ASAP1: variants seen among roughly 807,000 people sequenced by gnomAD.
ASAP1 encodes the protein ArfGAP with SH3 domain, ankyrin repeat and PH domain 1, also known as arf-GAP with SH3 domain, ANK repeat and PH domain-containing protein 1.
Under a neutral mutation model 145.2 loss-of-function variants are expected in ASAP1, and 43 were observed. That is an observed-to-expected ratio of 0.30 (90% CI 0.23 to 0.38). The LOEUF (loss-of-function observed/expected upper bound fraction) is 0.38. ASAP1 is among the 10% of genes least tolerant of loss of function. ASAP1 has a pLI of 1.00. For synonymous variants in ASAP1, 546 were observed against 515.5 expected (o/e 1.06, Z -0.80); for missense variants, 1,018 against 1,355.3 (o/e 0.75, Z 3.91).
chr8:130,152,920 C>T (rs2097649627), intron 12 of ASAP1, 115 bp from the exon 13 acceptor site: 1 of 694,886 alleles, frequency 1.4e-6, no homozygotes, highest in Non-Finnish European at 2.2e-6. Context: ...ACCAAAAAAT[C>T]CAACCCCCCC....
intron 5 of ASAP1, among the ~76,000 whole-genome samples, chr8:130,198,670 C>T (rs913177415): frequency 3.9e-5 from 6 of 152,276 alleles, no homozygotes; most frequent in Admixed American, 3.3e-4. Flanking sequence ...ACTAGGTTAA[C>T]GAGGAAACAG....
intron 27 of ASAP1, 44 bp from the exon 28 acceptor site, chr8:130,061,113 C>T: frequency 6.6e-7 from 1 of 1,516,840 alleles, no homozygotes; most frequent in Non-Finnish European, 8.8e-7. Flanking sequence ...GTGGGAAGGG[C>T]TGCTTTCCTG....
intron 3 of ASAP1, among the ~76,000 whole-genome samples, chr8:130,344,281 T>C (rs1204695509): frequency 2.6e-5 from 4 of 152,248 alleles, no homozygotes; most frequent in Non-Finnish European, 4.4e-5. Flanking sequence ...AACCATTTTT[T>C]TTTAAAGAGA....
chr8:130,079,778 C>G, intron 26 of ASAP1, 124 bp downstream of exon 26: 1 of 919,174 alleles, frequency 1.1e-6, no homozygotes, highest in South Asian at 1.5e-5. Context: ...CTTGTTGTGG[C>G]CTGCCCCACT....
intron 25 of ASAP1, among the ~76,000 whole-genome samples, chr8:130,080,706 C>T (rs537332569): frequency 2.6e-4 from 40 of 152,144 alleles, no homozygotes; most frequent in African/African-American, 9.6e-4. Flanking sequence ...AATCTCAGCT[C>T]ACTGCAGCAT....
intron 15 of ASAP1, among the ~76,000 whole-genome samples, chr8:130,133,067 T>A (rs1017836877): frequency 4.6e-5 from 7 of 152,100 alleles, no homozygotes; most frequent in African/African-American, 1.4e-4. Context: ...GAACATAGCA[T>A]GTATTCTGTG....
chr8:130,268,743 G>C (rs1253025765), intron 3 of ASAP1, among the ~76,000 whole-genome samples: 2 of 152,172 alleles, frequency 1.3e-5, no homozygotes, highest in Non-Finnish European at 2.9e-5. Context: ...ATTGTTGCAT[G>C]ATATACTACA....
intron 4 of ASAP1, among the ~76,000 whole-genome samples, chr8:130,224,833 A>C (rs1817499569): frequency 6.6e-6 from 1 of 152,248 alleles, no homozygotes; most frequent in Non-Finnish European, 1.5e-5. Flanking sequence ...ATCTCTGGAA[A>C]AATATCTTCA....
At chr8:130,336,976 C>A (rs1425237041) in intron 3 of ASAP1, among the ~76,000 whole-genome samples, 1 of 152,132 alleles carries the variant, frequency 6.6e-6, no homozygotes, top group Non-Finnish European at 1.5e-5. Flanking sequence ...TAGTTTTGAT[C>A]TCTCAGAACC....
chr8:130,279,126 A>T (rs996922837), intron 3 of ASAP1, among the ~76,000 whole-genome samples: 1 of 152,142 alleles, frequency 6.6e-6, no homozygotes, highest in Non-Finnish European at 1.5e-5. Flanking sequence ...CTCCAAAATC[A>T]AGCCCTTGAT....
chr8:130,422,330 T>C (rs1257116219), intron 1 of ASAP1, among the ~76,000 whole-genome samples: 1 of 152,112 alleles, frequency 6.6e-6, no homozygotes, highest in Non-Finnish European at 1.5e-5. Flanking sequence ...TCCAGGAGCA[T>C]ATAAACTGTG....
At chr8:130,390,346 A>G (rs980700498) in intron 2 of ASAP1, among the ~76,000 whole-genome samples, 7 of 152,242 alleles carry the variant, frequency 4.6e-5, no homozygotes, top group African/African-American at 1.7e-4. Context: ...GTTCTACTGG[A>G]AAGTCTACAA....
At chr8:130,206,247 A>AT (rs1395937432) in intron 5 of ASAP1, among the ~76,000 whole-genome samples, 3 of 152,028 alleles carry the variant, frequency 2.0e-5, no homozygotes, top group South Asian at 2.1e-4. Context: ...ATTGATGACC[A>AT]TTTTTTTAAA....
At chr8:130,434,745 T>C (rs1224710259) in intron 1 of ASAP1, among the ~76,000 whole-genome samples, 1 of 151,880 alleles carries the variant, frequency 6.6e-6, no homozygotes, top group East Asian at 1.9e-4. Flanking sequence ...CATGCAAAAA[T>C]TCCATCCCAG....
At chr8:130,109,550 CCT>C (rs1309375962) in intron 24 of ASAP1, among the ~76,000 whole-genome samples, 1 of 152,056 alleles carries the variant, frequency 6.6e-6, no homozygotes, top group Non-Finnish European at 1.5e-5. Flanking sequence ...CAAATAGAGA[CCT>C]CTGCTTTATT....
At chr8:130,085,777 C>T (rs1360629416) in intron 25 of ASAP1, among the ~76,000 whole-genome samples, 1 of 145,092 alleles carries the variant, frequency 6.9e-6, no homozygotes, top group Non-Finnish European at 1.5e-5. Flanking sequence ...CAATGAAATG[C>T]AACTTCAAAA....
intron 2 of ASAP1, among the ~76,000 whole-genome samples, chr8:130,386,046 C>T (rs1412130943): frequency 2.0e-5 from 3 of 152,184 alleles, no homozygotes; most frequent in Admixed American, 2.0e-4. Flanking sequence ...GGAATCAATC[C>T]AGAGATTTTG....
chr8:130,391,586 C>CT (rs1335719577), intron 2 of ASAP1, among the ~76,000 whole-genome samples: 1 of 152,166 alleles, frequency 6.6e-6, no homozygotes, highest in African/African-American at 2.4e-5. Context: ...ATCTATCCTG[C>CT]TGCACCTAGG....
At chr8:130,187,174 T>C in intron 7 of ASAP1, 62 bp downstream of exon 7, 2 of 1,416,328 alleles carry the variant, frequency 1.4e-6, no homozygotes, top group Non-Finnish European at 1.9e-6. Flanking sequence ...TTTTTTTTTG[T>C]TGTCCAAAAT....
Sources: allele counts gnomAD v4.1 joint callset (sites outside exome capture counted in the v4.1 genomes callset), GRCh38; gene constraint gnomAD v4.1.1; transcripts MANE v1.5; gene names NCBI Gene and HGNC (gene_info 2026-07-23, HGNC 2026-07-21).